Variants in MEPE observed in about 807,000 individuals in gnomAD.
The protein encoded by MEPE is matrix extracellular phosphoglycoprotein.
Under a neutral mutation model 7.3 loss-of-function variants are expected in MEPE, and 7 were observed. That is an observed-to-expected ratio of 0.95 (90% CI 0.54 to 1.79). The LOEUF (loss-of-function observed/expected upper bound fraction) is 1.79, where lower values mean the gene tolerates loss of function less well. Among genes scored for constraint, MEPE ranks in the 40% most tolerant of loss-of-function variants. The pLI is 0.00. For synonymous variants in MEPE, 214 were observed against 213.1 expected (o/e 1.00, Z -0.04); for missense variants, 623 against 628.2 (o/e 0.99, Z 0.09).
Position 87,845,063 on chromosome 4 carries a change from C to A in MEPE, c.195C>A (p.Val65=). ...NQELSSKENI[V]QERKKDLSLS... is the part of the protein sequence containing the mutation. ...AGCTATCATCTAAAGAAAATATTGT[C>A]CAGGAAAGAAAGAAAGATTTGTCCC... Residue 65 remains valine, a synonymous_variant, in exon 4 of 4, where the codon GTC becomes GTA. Transcript: ENST00000361056. The A allele has an allele frequency of 6.2e-7, 1 of 1,613,180 alleles. No homozygotes were observed. The highest frequency in any genetic ancestry group is 1.1e-5 in the South Asian group (1 of 90,930).
In MEPE at chr4:87,845,373, A is replaced by G; in HGVS notation, c.505A>G (p.Lys169Glu). 1 of 1,613,996 alleles carries G rather than the reference A, an allele frequency of 6.2e-7. No homozygotes were observed. ...TAIKLLGEEN[K>E]ENTPRNVLNI... ...GATTAAACTCCTGGGGGAAGAAAACAAAGAGAACACACCTAGGAATGTTCT... is the reference window on the plus strand; with the variant it reads ...GATTAAACTCCTGGGGGAAGAAAACGAAGAGAACACACCTAGGAATGTTCT... Residue 169 changes from lysine to glutamate, a missense_variant, in exon 4 of 4, where the codon AAA becomes GAA. Physicochemically the swap from Lys to Glu is moderately conservative, Grantham distance 56. Transcript: ENST00000361056.
chr4:87,835,496 C>A (rs1431954376), intron 2 of MEPE, among the ~76,000 whole-genome samples: 1 of 152,156 alleles, frequency 6.6e-6, no homozygotes, highest in African/African-American at 2.4e-5. Context: ...GGTTGGAGAA[C>A]CATGGAAACA....
intron 3 of MEPE, among the ~76,000 whole-genome samples, chr4:87,844,442 C>T (rs2110011747): frequency 6.6e-6 from 1 of 152,126 alleles, no homozygotes; most frequent in East Asian, 1.9e-4. Flanking sequence ...CCATTATTCT[C>T]CCAGGGACTT....
Position 87,842,206 on chromosome 4 carries a change from C to T in MEPE, c.109-2771C>T, listed in dbSNP as rs1314102902. Among the ~76,000 whole-genome samples, 5 of 152,160 alleles carry T rather than the reference C, an allele frequency of 3.3e-5. No individual in the cohort carries two copies. In the East Asian group the frequency reaches 9.6e-4, roughly 29 times the overall value. Reference sequence around the variant, plus strand: ...TGAGGGATTAAGAAAAACTATTTGGCAATTCCTGCCTACTGTTTCACTCAA... The same window carrying T: ...TGAGGGATTAAGAAAAACTATTTGGTAATTCCTGCCTACTGTTTCACTCAA... On this transcript the variant is annotated intron_variant, in intron 3 of 3. Transcript: ENST00000361056.
upstream of MEPE, among the ~76,000 whole-genome samples, chr4:87,829,882 T>TTTTTTG (rs1553915046): frequency 0.14 from 20,121 of 141,276 alleles, 1,310 homozygotes; most frequent in Non-Finnish European, 0.19. Flanking sequence ...TTTTTTTTTT[T>TTTTTTG]GGACTTTGCT....
At chr4:87,843,978 G>A (rs900287089) in intron 3 of MEPE, among the ~76,000 whole-genome samples, 5 of 152,172 alleles carry the variant, frequency 3.3e-5, no homozygotes, top group Non-Finnish European at 5.9e-5. Flanking sequence ...GGCTACCATA[G>A]CTTAGGATTC....
chr4:87,837,612 A>G (rs1387858612), intron 2 of MEPE: 2 of 152,160 alleles, frequency 1.3e-5, no homozygotes, highest in Non-Finnish European at 2.9e-5. Context: ...CTTTCTGTTT[A>G]TCTCTTTATT....
At chr4:87,825,557 C>T (rs1026417515) in intron 1 of MEPE, among the ~76,000 whole-genome samples, 2 of 152,188 alleles carry the variant, frequency 1.3e-5, no homozygotes, top group African/African-American at 2.4e-5. Flanking sequence ...ACAGTTTTGA[C>T]GAACAAGTGG....
chr4:87,825,629 C>T (rs1231501009), intron 1 of MEPE, among the ~76,000 whole-genome samples: 1 of 152,228 alleles, frequency 6.6e-6, no homozygotes, highest in African/African-American at 2.4e-5. Flanking sequence ...TCTCTGCTTT[C>T]AATTTGCATG....
chr4:87,846,202 A>G lies in MEPE; in HGVS notation c.1334A>G (p.Asn445Ser). 6.2e-7 allele frequency: 1 copy of G among 1,614,060 alleles called. No homozygotes were observed. The highest frequency in any genetic ancestry group is 8.5e-7 in the Non-Finnish European group (1 of 1,179,978). The change falls in exon 4 of 4, where the codon AAT becomes AGT. Residue 445 changes from asparagine to serine, a missense_variant. Physicochemically the swap from Asn to Ser is conservative, Grantham distance 46 (BLOSUM62 1). Coordinates refer to ENST00000361056, the MANE Select transcript of MEPE (RefSeq NM_020203.6). ...CCCATTCCTTCTCGTGGTCTTGATA[A>G]TGAAATCAAAAACGAAATGGATTCC... is the stretch of plus-strand genomic sequence containing the variant. ...GLPIPSRGLD[N>S]EIKNEMDSFN...
chr4:87,846,224 T>C lies in MEPE; in HGVS notation c.1356T>C (p.Asp452=). 6.2e-7 allele frequency: 1 copy of C among 1,614,048 alleles called. No homozygotes were observed. Among genetic ancestry groups the C allele is most frequent in the East Asian group, 2.2e-5 (1 of 44,876 alleles). Residue 452 remains aspartate (D), a synonymous_variant, in exon 4 of 4, where the codon GAT becomes GAC. Coordinates refer to ENST00000361056, the MANE Select transcript of MEPE (RefSeq NM_020203.6). ...ATAATGAAATCAAAAACGAAATGGA[T>C]TCCTTTAATGGCCCCAGTCATGAGA... The part of the protein sequence containing the change: ...GLDNEIKNEM[D]SFNGPSHENI...
chr4:87,834,393 A>G (rs1365829694), intron 1 of MEPE, among the ~76,000 whole-genome samples: 1 of 152,240 alleles, frequency 6.6e-6, no homozygotes, highest in African/African-American at 2.4e-5. Flanking sequence ...TAAAGACAAG[A>G]GGAAGAAGAG....
intron 2 of MEPE, among the ~76,000 whole-genome samples, chr4:87,835,327 G>C (rs1395993327): frequency 6.6e-6 from 1 of 152,156 alleles, no homozygotes; most frequent in Non-Finnish European, 1.5e-5. Context: ...CTACTTCCTT[G>C]TGTGTCTTTT....
chr4:87,833,546 G>A (rs571925815), intron 1 of MEPE, among the ~76,000 whole-genome samples: 1 of 152,232 alleles, frequency 6.6e-6, no homozygotes, highest in African/African-American at 2.4e-5. Flanking sequence ...CCAAATACCA[G>A]CTTTTCCTTG....
intron 3 of MEPE, chr4:87,839,709 A>G (rs1722939672): frequency 1.3e-6 from 2 of 1,550,048 alleles, no homozygotes; most frequent in Admixed American, 2.0e-5. Flanking sequence ...TCACTATGAG[A>G]AACATGGGCA....
At chr4:87,828,693 G>A (rs10029761), upstream of MEPE, among the ~76,000 whole-genome samples, 65,154 of 151,910 alleles carry the variant, frequency 0.43, 14,379 homozygotes, top group East Asian at 0.67. Flanking sequence ...TCAAGTGATC[G>A]ATAAGAAATG....
In MEPE at chr4:87,845,407, T is replaced by C. The variant is rs749452913; in HGVS notation, c.539T>C (p.Ile180Thr). Residue 180 changes from isoleucine (I) to threonine (T), a missense_variant, in exon 4 of 4, where the codon ATC becomes ACC. Physicochemically the swap from Ile to Thr is moderately conservative, Grantham distance 89 (BLOSUM62 -1). Coordinates refer to ENST00000361056, the MANE Select transcript of MEPE (RefSeq NM_020203.6). ...ACACCTAGGAATGTTCTAAACATAA[T>C]CCCAGCAAGTATGAATTATGCTAAA... ...ENTPRNVLNI[I>T]PASMNYAKAH... 1.9e-6 allele frequency: 3 copies of C among 1,613,678 alleles called. No homozygotes were observed. Among genetic ancestry groups the C allele is most frequent in the African/African-American group, 2.7e-5 (2 of 74,812 alleles).
intron 3 of MEPE, chr4:87,839,669 T>C (rs1722936714): frequency 6.5e-7 from 1 of 1,531,356 alleles, no homozygotes; most frequent in South Asian, 1.2e-5. Context: ...CTCAATATAA[T>C]GTTGTGTTTT....
intron 1 of MEPE, among the ~76,000 whole-genome samples, chr4:87,825,807 T>C (rs1722449220): frequency 6.6e-6 from 1 of 152,204 alleles, no homozygotes; most frequent in South Asian, 2.1e-4. Context: ...CGCCTAGGTA[T>C]CAAGCCCAGC....
Sources: gnomAD v4.1 joint callset for allele counts (sites outside exome capture counted in the v4.1 genomes callset) on GRCh38, gnomAD v4.1.1 for gene constraint, MANE v1.5 for transcripts, NCBI Gene and HGNC (gene_info 2026-07-23, HGNC 2026-07-21) for gene names.